The following GSR variants were observed in gnomAD, a reference collection of about 807,000 sequenced individuals.
The protein encoded by GSR is glutathione-disulfide reductase, also known as glutathione reductase, mitochondrial.
GSR carries 48 observed loss-of-function variants against 56.5 expected under a neutral mutation model. That is an observed-to-expected ratio of 0.85 (90% CI 0.67 to 1.08). The LOEUF (loss-of-function observed/expected upper bound fraction) is 1.08. GSR is among the 50% of genes least tolerant of loss of function. The pLI, the probability that GSR is intolerant of heterozygous loss-of-function variation, is 0.00. For synonymous variants in GSR, 264 were observed against 270.8 expected (o/e 0.97, Z 0.25); for missense variants, 694 against 703.3 (o/e 0.99, Z 0.15).
chr8:30,709,627 C>T (rs750244877), intron 3 of GSR, among the ~76,000 whole-genome samples, 187 bp downstream of exon 3: 11 of 151,902 alleles, frequency 7.2e-5, no homozygotes, highest in Non-Finnish European at 1.5e-4. Flanking sequence ...ATAGTGGTGA[C>T]GACTGTATAA....
chr8:30,687,647 A>AAAACAAAC (rs201971263), intron 9 of GSR: 3 of 152,016 alleles, frequency 2.0e-5, no homozygotes, highest in South Asian at 2.1e-4. Flanking sequence ...ACTCTGTCTC[A>AAAACAAAC]AAACAAACAA....
At chr8:30,717,172 G>C (rs964693504) in intron 1 of GSR, among the ~76,000 whole-genome samples, 1 of 152,210 alleles carries the variant, frequency 6.6e-6, no homozygotes, top group African/African-American at 2.4e-5. Flanking sequence ...AGGAGGTGGA[G>C]GTTGCCGTGA....
At chr8:30,708,191 G>A (rs1234288445) in intron 3 of GSR, 50 bp from the exon 4 acceptor site, 4 of 1,308,848 alleles carry the variant, frequency 3.1e-6, no homozygotes, top group Non-Finnish European at 4.4e-6. Context: ...TCCCCTTCTA[G>A]TTAGTAACTA....
At chr8:30,725,910 A>C (rs1804709909) in intron 1 of GSR, among the ~76,000 whole-genome samples, 2 of 151,818 alleles carry the variant, frequency 1.3e-5, no homozygotes, top group South Asian at 4.1e-4. Context: ...AGAATTCATA[A>C]CAGGAAGGTA....
At chr8:30,718,408 T>C (rs145909980) in intron 1 of GSR, among the ~76,000 whole-genome samples, 2 of 152,314 alleles carry the variant, frequency 1.3e-5, no homozygotes, top group African/African-American at 4.8e-5. Context: ...GCTTCCATTA[T>C]GGAGATTTTG....
chr8:30,683,052 T>G (rs1803011596), intron 10 of GSR, among the ~76,000 whole-genome samples: 1 of 151,954 alleles, frequency 6.6e-6, no homozygotes. Flanking sequence ...GGTCTCGATC[T>G]CTGGACCTCG....
intron 9 of GSR, among the ~76,000 whole-genome samples, chr8:30,686,062 C>A (rs888665278): frequency 2.0e-5 from 3 of 148,560 alleles, no homozygotes; most frequent in Admixed American, 6.7e-5. Context: ...CCTAGCTCTG[C>A]AACTTACCGG....
In GSR at chr8:30,700,723, C is replaced by CAAAAAAAAAAAAAAAAAAAA. The variant is rs55702917; in HGVS notation, c.641-608_641-589dup. Among the ~76,000 whole-genome samples, 7 of 80,044 alleles carry CAAAAAAAAAAAAAAAAAAAA rather than the reference C, an allele frequency of 8.7e-5. 1 individual carries two copies. The highest frequency in any genetic ancestry group is 1.6e-4 in the Non-Finnish European group (7 of 42,542). 52.5% of individuals were successfully genotyped at this position (80,044 alleles called of 152,430 possible). A position where few individuals can be genotyped will look rare whatever the true frequency, so the allele number is the denominator to read the frequency against. On this transcript the variant is annotated intron_variant, in intron 5 of 12. Coordinates refer to ENST00000221130, the MANE Select transcript of GSR (RefSeq NM_000637.5). Reference sequence around the variant, plus strand: ...TGGGAACAGAGCAAGATTTTGTCTCCAAAAAAAAAAAAAAAAAAAAAAAAA... The same window carrying CAAAAAAAAAAAAAAAAAAAA: ...TGGGAACAGAGCAAGATTTTGTCTCCAAAAAAAAAAAAAAAAAAAAAAAAAAAAAAAAAAAAAAAAAAAAA...
chr8:30,708,896 G>C (rs572821118), intron 3 of GSR, among the ~76,000 whole-genome samples: 1 of 148,526 alleles, frequency 6.7e-6, no homozygotes, highest in Non-Finnish European at 1.5e-5. Context: ...TAGGCGGAGC[G>C]TGCAGTGAGC....
chr8:30,709,324 C>T (rs891460181), intron 3 of GSR, among the ~76,000 whole-genome samples: 3 of 152,172 alleles, frequency 2.0e-5, no homozygotes, highest in African/African-American at 4.8e-5. Context: ...ATGATTGCAC[C>T]ACTGCACTCC....
chr8:30,690,099 A>G (rs1224227068), intron 8 of GSR, among the ~76,000 whole-genome samples: 3 of 138,940 alleles, frequency 2.2e-5, no homozygotes, highest in Non-Finnish European at 4.5e-5. Flanking sequence ...ATATATAAAT[A>G]AAATATACAT....
At chr8:30,727,505 GC>G in intron 1 of GSR, 24 bp downstream of exon 1, 1 of 1,531,982 alleles carries the variant, frequency 6.5e-7, no homozygotes, top group Non-Finnish European at 8.8e-7. Context: ...GGCGCCCCCC[GC>G]CCGAACAAAC....
intron 1 of GSR, 103 bp downstream of exon 1, chr8:30,727,427 C>A: frequency 8.7e-7 from 1 of 1,153,418 alleles, no homozygotes. Context: ...AGAGGAAAGC[C>A]CAGCGCCGGG....
chr8:30,712,518 A>G (rs925351719), intron 1 of GSR, among the ~76,000 whole-genome samples: 1 of 152,036 alleles, frequency 6.6e-6, no homozygotes, highest in Non-Finnish European at 1.5e-5. Flanking sequence ...CGTCTCTACA[A>G]AAAAAAGTAG....
chr8:30,692,910 C>A lies in GSR; in HGVS notation c.882+59G>T, dbSNP rs1563531314. On this transcript the variant is annotated intron_variant, in intron 8 of 12. Transcript: ENST00000221130. ...TGTTTTTAAACTAACTGGGCGAAGC[C>A]ACAAGCAGAAAGTGTGATTGACTGG... is the stretch of plus-strand genomic sequence containing the variant. The A allele has an allele frequency of 2.9e-6, 3 of 1,047,266 alleles. No homozygotes were observed. The South Asian group carries it at 3.8e-5, about 13-fold the overall frequency. The allele number at this position is 1,047,266 out of a possible 1,614,324, so 64.9% of individuals were successfully genotyped here. A position where few individuals can be genotyped will look rare whatever the true frequency, so the allele number is the denominator to read the frequency against.
chr8:30,695,339 G>A (rs1315943543), intron 7 of GSR, among the ~76,000 whole-genome samples: 1 of 152,026 alleles, frequency 6.6e-6, no homozygotes, highest in African/African-American at 2.4e-5. Flanking sequence ...GGGTTCAGGC[G>A]ATTCTTATGC....
At chr8:30,696,022 AGAGT>A (rs1320170034) in intron 7 of GSR, among the ~76,000 whole-genome samples, 2 of 152,160 alleles carry the variant, frequency 1.3e-5, no homozygotes, top group Non-Finnish European at 2.9e-5. Flanking sequence ...CCTGGACAAA[AGAGT>A]GAGACTCTGT....
intron 1 of GSR, among the ~76,000 whole-genome samples, chr8:30,719,602 C>T (rs1804460868): frequency 6.6e-6 from 1 of 152,132 alleles, no homozygotes; most frequent in Admixed American, 6.5e-5. Context: ...AAGGAGACTC[C>T]TGTAACTCAG....
chr8:30,701,295 G>A (rs767789623), intron 5 of GSR, among the ~76,000 whole-genome samples: 29 of 151,628 alleles, frequency 1.9e-4, no homozygotes, highest in Non-Finnish European at 3.8e-4. Flanking sequence ...GTGAAACCCC[G>A]TCTCTACTAA....
Sources: gnomAD v4.1 joint callset for allele counts (sites outside exome capture counted in the v4.1 genomes callset) on GRCh38, gnomAD v4.1.1 for gene constraint, MANE v1.5 for transcripts, NCBI Gene and HGNC (gene_info 2026-07-23, HGNC 2026-07-21) for gene names.